EFL1: variants seen among roughly 807,000 people sequenced by gnomAD.
EFL1 encodes the protein elongation factor-like GTPase 1.
In EFL1, 76 loss-of-function variants were observed where a neutral mutation model predicts 126.7. That is an observed-to-expected ratio of 0.60 (90% CI 0.50 to 0.73). The LOEUF is 0.73. Ranked by LOEUF, EFL1 falls within the 30% of genes least tolerant of loss-of-function variation. The pLI, the probability that EFL1 is intolerant of heterozygous loss-of-function variation, is 0.00. For missense variants in EFL1, 1,128 were observed against 1,343.2 expected, an observed-to-expected ratio of 0.84 and a Z score of 2.50; for synonymous variants, 410 against 448.4, an observed-to-expected ratio of 0.91 and a Z score of 1.08.
At chr15:82,254,407 T>C (rs1354032820) in intron 3 of EFL1, among the ~76,000 whole-genome samples, 2 of 152,098 alleles carry the variant, frequency 1.3e-5, no homozygotes, top group Non-Finnish European at 2.9e-5. Flanking sequence ...ATGAAACGTG[T>C]AATACATAAA....
intron 15 of EFL1, among the ~76,000 whole-genome samples, chr15:82,204,944 T>A (rs1217048782): frequency 2.0e-5 from 3 of 152,218 alleles, no homozygotes; most frequent in Non-Finnish European, 2.9e-5. Flanking sequence ...AATTGTTCAC[T>A]TTTTCAACTA....
intron 15 of EFL1, among the ~76,000 whole-genome samples, chr15:82,180,834 C>A (rs887570315): frequency 2.0e-5 from 3 of 151,798 alleles, no homozygotes; most frequent in African/African-American, 7.3e-5. Flanking sequence ...CTCAGGGGGG[C>A]CCTCTCACCT....
At position 82,130,429 on chromosome 15, in the gene EFL1, C is replaced by T. The variant is rs537778197; in HGVS notation, c.3307G>A (p.Glu1103Lys). ...TCTGCATGCTCCACAATCTTTTCTT[C>T]CACATAAAGCCCCTTCCGCTTTCGT... ...AVRKRKGLYVEEKIVEHAEKQ... is the reference protein window; with the variant it reads ...AVRKRKGLYVKEKIVEHAEKQ... Residue 1103 changes from glutamate to lysine, a missense_variant, in exon 20 of 20, where the codon GAA becomes AAA. By Grantham distance (56) the Glu-to-Lys change is moderately conservative. Transcript: ENST00000268206. The T allele has an allele frequency of 6.2e-6, 10 of 1,614,152 alleles. No individual in the cohort carries two copies. Among genetic ancestry groups the T allele is most frequent in the Non-Finnish European group, 8.5e-6 (10 of 1,180,028 alleles).
At chr15:82,162,528 G>T (rs2074033974) in intron 16 of EFL1, among the ~76,000 whole-genome samples, 1 of 152,158 alleles carries the variant, frequency 6.6e-6, no homozygotes, top group Non-Finnish European at 1.5e-5. Flanking sequence ...TAGAATAAAA[G>T]AACAAAATCA....
At chr15:82,135,314 T>G (rs2073709048) in intron 19 of EFL1, among the ~76,000 whole-genome samples, 2 of 152,146 alleles carry the variant, frequency 1.3e-5, no homozygotes, top group African/African-American at 4.8e-5. Flanking sequence ...CTTTTTAAAT[T>G]TCTGAAGGAT....
At chr15:82,202,768 A>G (rs553465377) in intron 15 of EFL1, among the ~76,000 whole-genome samples, 1 of 152,248 alleles carries the variant, frequency 6.6e-6, no homozygotes, top group East Asian at 1.9e-4. Context: ...AAATTCTACA[A>G]GACACCACCA....
At chr15:82,180,557 C>G (rs979558221) in intron 15 of EFL1, among the ~76,000 whole-genome samples, 5 of 151,966 alleles carry the variant, frequency 3.3e-5, no homozygotes, top group Admixed American at 2.0e-4. Context: ...TATGGTCAAT[C>G]TGAATGTGAC....
At chr15:82,231,703 C>T (rs2074824217) in intron 7 of EFL1, among the ~76,000 whole-genome samples, 1 of 150,482 alleles carries the variant, frequency 6.6e-6, no homozygotes, top group Non-Finnish European at 1.5e-5. Context: ...CCACACCATA[C>T]TGAAAGCCCA....
At chr15:82,151,375 G>T in intron 18 of EFL1, 90 bp downstream of exon 18, 1 of 1,274,420 alleles carries the variant, frequency 7.8e-7, no homozygotes, top group South Asian at 1.4e-5. Flanking sequence ...GCGACAGAAT[G>T]AGACCCTGTC....
chr15:82,228,416 C>T (rs1409099579), intron 9 of EFL1, 89 bp from the exon 10 acceptor site: 3 of 1,456,238 alleles, frequency 2.1e-6, no homozygotes, highest in Non-Finnish European at 1.8e-6. Context: ...ATATTTTTAC[C>T]CTAATGTGTT....
At chr15:82,231,173 G>A (rs187692636) in intron 7 of EFL1, among the ~76,000 whole-genome samples, 72 of 152,186 alleles carry the variant, frequency 4.7e-4, no homozygotes, top group Non-Finnish European at 9.1e-4. Flanking sequence ...CAAGCGGTCT[G>A]GCTCCAAAGC....
At chr15:82,198,243 G>A (rs2074428767) in intron 15 of EFL1, among the ~76,000 whole-genome samples, 1 of 152,144 alleles carries the variant, frequency 6.6e-6, no homozygotes, top group African/African-American at 2.4e-5. Context: ...GAACATTGCA[G>A]ATGCCTTTTA....
Position 82,209,316 on chromosome 15 carries a change from G to GACACACACACACACACACAC in EFL1, c.1750+5381_1750+5400dup, listed in dbSNP as rs57128885. 9.6e-4 allele frequency among the ~76,000 whole-genome samples: 141 copies of GACACACACACACACACACAC among 146,330 alleles called. 3 individuals are homozygous for GACACACACACACACACACAC. The highest frequency in any genetic ancestry group is 3.3e-3 in the African/African-American group (128 of 39,350). The stretch of plus-strand genomic sequence containing the variant: ...GACTAAGGATTCACACACAGACACA[G>GACACACACACACACACACAC]ACACACACACACACACACACACACA... On this transcript the variant is annotated intron_variant, in intron 15 of 19. Transcript: ENST00000268206.
chr15:82,148,784 G>A (rs1223763946), intron 18 of EFL1, among the ~76,000 whole-genome samples: 2 of 152,074 alleles, frequency 1.3e-5, no homozygotes, highest in Non-Finnish European at 2.9e-5. Flanking sequence ...ATAGGAAAAA[G>A]GTAAATAATG....
intron 15 of EFL1, among the ~76,000 whole-genome samples, chr15:82,211,549 T>TATAC (rs550359757): frequency 1.1e-5 from 1 of 94,348 alleles, no homozygotes; most frequent in East Asian, 2.6e-4. Flanking sequence ...AAAATCTATA[T>TATAC]ACACACACAC....
intron 18 of EFL1, among the ~76,000 whole-genome samples, chr15:82,147,963 A>C (rs1486128421): frequency 6.6e-6 from 1 of 152,214 alleles, no homozygotes; most frequent in Non-Finnish European, 1.5e-5. Context: ...CAGTGCAAAG[A>C]GCTTTTTCCA....
intron 4 of EFL1, among the ~76,000 whole-genome samples, chr15:82,247,287 T>C (rs1296255861): frequency 1.3e-5 from 2 of 152,098 alleles, no homozygotes; most frequent in Non-Finnish European, 2.9e-5. Context: ...AAAGTATTCA[T>C]GACAACAGGT....
intron 16 of EFL1, among the ~76,000 whole-genome samples, chr15:82,158,165 A>G (rs1017858465): frequency 6.6e-6 from 1 of 152,232 alleles, no homozygotes; most frequent in Non-Finnish European, 1.5e-5. Flanking sequence ...CCTAAATCTT[A>G]TAACGAATGT....
intron 15 of EFL1, among the ~76,000 whole-genome samples, chr15:82,212,526 A>G (rs1262281901): frequency 6.6e-6 from 1 of 152,242 alleles, no homozygotes; most frequent in Non-Finnish European, 1.5e-5. Flanking sequence ...AAAAACAATT[A>G]CTATATGTTT....
Sources: allele counts gnomAD v4.1 joint callset (sites outside exome capture counted in the v4.1 genomes callset), GRCh38; gene constraint gnomAD v4.1.1; transcripts MANE v1.5; gene names NCBI Gene and HGNC (gene_info 2026-07-23, HGNC 2026-07-21).